The following SHROOM4 variants were observed in gnomAD, a reference collection of about 807,000 sequenced individuals.
SHROOM4 encodes protein Shroom4.
In SHROOM4, 17 loss-of-function variants were observed where a neutral mutation model predicts 80.3. That is an observed-to-expected ratio of 0.21 (90% CI 0.14 to 0.32). SHROOM4 has a LOEUF of 0.32. Among genes scored for constraint, SHROOM4 ranks in the 10% least tolerant of loss-of-function variants. The probability of loss-of-function intolerance (pLI) is 1.00; values close to 1 mark genes in which losing one functional copy is unlikely to be tolerated. For synonymous variants in SHROOM4, 400 were observed against 437.5 expected, an observed-to-expected ratio of 0.91 and a Z score of 1.07; for missense variants, 993 against 1,140.3, an observed-to-expected ratio of 0.87 and a Z score of 1.86.
At chrX:50,783,449 T>C (rs1479506940) in intron 1 of SHROOM4, among the ~76,000 whole-genome samples, 1 of 112,201 alleles carries the variant, frequency 8.9e-6, no homozygotes, top group African/African-American at 3.2e-5. Flanking sequence ...GAGATATACA[T>C]TGTTCCTAGA....
intron 2 of SHROOM4, among the ~76,000 whole-genome samples, chrX:50,669,488 T>C (rs1305734060): frequency 6.4e-5 from 7 of 109,895 alleles, no homozygotes; most frequent in African/African-American, 1.7e-4. Context: ...TTTTGTAGAG[T>C]TGGGGTTTCA....
chrX:50,716,725 C>T (rs1933963939), intron 1 of SHROOM4, among the ~76,000 whole-genome samples: 1 of 111,822 alleles, frequency 8.9e-6, no homozygotes. Flanking sequence ...TTCCAGTGCC[C>T]ATGTTTCTCT....
At chrX:50,611,664 A>C (rs1929999114) in intron 5 of SHROOM4, among the ~76,000 whole-genome samples, 1 of 111,139 alleles carries the variant, frequency 9.0e-6, no homozygotes, top group South Asian at 3.8e-4. Context: ...TCACTCCTGT[A>C]ATCACAGCAC....
chrX:50,721,674 C>G (rs1934113162), intron 1 of SHROOM4, among the ~76,000 whole-genome samples: 1 of 111,450 alleles, frequency 9.0e-6, no homozygotes, highest in Non-Finnish European at 1.9e-5. Context: ...CCCAGCAGGT[C>G]TCAGCCTCAT....
chrX:50,614,273 GA>G (rs1159094842), intron 5 of SHROOM4, among the ~76,000 whole-genome samples: 1 of 111,980 alleles, frequency 8.9e-6, no homozygotes, highest in African/African-American at 3.2e-5. Context: ...AGTAATAAGG[GA>G]AAGTTTATAA....
intron 5 of SHROOM4, among the ~76,000 whole-genome samples, chrX:50,609,599 C>T (rs1236444635): frequency 1.8e-5 from 2 of 109,734 alleles, no homozygotes; most frequent in Non-Finnish European, 3.8e-5. Flanking sequence ...AACTGCAAAG[C>T]AGTGCTTTTT....
intron 1 of SHROOM4, among the ~76,000 whole-genome samples, chrX:50,723,713 C>G (rs1934182253): frequency 9.0e-6 from 1 of 110,676 alleles, no homozygotes; most frequent in Non-Finnish European, 1.9e-5. Context: ...AGTCCGTCCC[C>G]TTCTTAATCA....
intron 1 of SHROOM4, among the ~76,000 whole-genome samples, chrX:50,763,416 A>G (rs1250124651): frequency 1.8e-5 from 2 of 110,946 alleles, no homozygotes; most frequent in Non-Finnish European, 3.8e-5. Context: ...TTTTTTTTGT[A>G]CAATGGTCAC....
intron 5 of SHROOM4, among the ~76,000 whole-genome samples, chrX:50,624,128 G>C (rs782815840): frequency 4.5e-5 from 5 of 111,750 alleles, no homozygotes; most frequent in African/African-American, 1.6e-4. Context: ...TCATTGAATT[G>C]TACACTTAGA....
chrX:50,667,439 T>C (rs1157369735), intron 2 of SHROOM4, among the ~76,000 whole-genome samples: 4 of 110,871 alleles, frequency 3.6e-5, no homozygotes, highest in African/African-American at 1.3e-4. Context: ...AATCTTAGGA[T>C]TGGGGGCAAA....
chrX:50,766,423 T>G (rs1935279148), intron 1 of SHROOM4, among the ~76,000 whole-genome samples: 1 of 111,662 alleles, frequency 9.0e-6, no homozygotes, highest in Non-Finnish European at 1.9e-5. Context: ...AACTTTCTTG[T>G]GGAACTTAAC....
intron 2 of SHROOM4, among the ~76,000 whole-genome samples, chrX:50,667,277 A>G (rs782766049): frequency 1.8e-5 from 2 of 112,098 alleles, no homozygotes; most frequent in East Asian, 5.6e-4. Context: ...AACATCTTCA[A>G]AATTCACACG....
In SHROOM4 at chrX:50,769,479, T is replaced by C. The variant is rs947573173; in HGVS notation, c.117+44423A>G. Among the ~76,000 whole-genome samples, 7 of 112,059 alleles carry C rather than the reference T, an allele frequency of 6.2e-5. No homozygotes were observed. In the Admixed American group the frequency reaches 6.6e-4, roughly 11 times the overall value. On this transcript the variant is annotated intron_variant, in intron 1 of 8. Transcript: ENST00000376020. ...CTTGAGCTTTTATGAGGCATATCTGTGCTGGTGGCAGCTAGCAGACTGGCA... is the reference window on the plus strand; with the variant it reads ...CTTGAGCTTTTATGAGGCATATCTGCGCTGGTGGCAGCTAGCAGACTGGCA...
chrX:50,646,529 TGTG>T (rs1931845986), intron 2 of SHROOM4, among the ~76,000 whole-genome samples: 1 of 24,756 alleles, frequency 4.0e-5, no homozygotes, highest in Non-Finnish European at 8.1e-5. Flanking sequence ...GGGGGAAGAG[TGTG>T]TGTGTGTGTG....
chrX:50,793,766 G>C (rs892163587), intron 1 of SHROOM4, among the ~76,000 whole-genome samples: 1 of 109,526 alleles, frequency 9.1e-6, no homozygotes, highest in Admixed American at 1.0e-4. Context: ...AAAAAGAGGG[G>C]TTACTAACTT....
intron 1 of SHROOM4, among the ~76,000 whole-genome samples, chrX:50,773,341 A>ATC (rs1377975213): frequency 8.9e-6 from 1 of 112,170 alleles, no homozygotes; most frequent in Non-Finnish European, 1.9e-5. Flanking sequence ...CAAACAAAGC[A>ATC]TCTAGAATTC....
At chrX:50,787,620 C>A (rs1342125954) in intron 1 of SHROOM4, among the ~76,000 whole-genome samples, 1 of 111,029 alleles carries the variant, frequency 9.0e-6, no homozygotes, top group Non-Finnish European at 1.9e-5. Context: ...ACATTATAAT[C>A]AAATTGTCCA....
intron 1 of SHROOM4, among the ~76,000 whole-genome samples, chrX:50,807,534 A>G (rs1456960341): frequency 6.2e-5 from 7 of 112,162 alleles, no homozygotes; most frequent in South Asian, 3.7e-4. Flanking sequence ...TTAAGTTCAG[A>G]GAGGTAAAAA....
At chrX:50,659,712 T>C (rs782014689) in intron 2 of SHROOM4, among the ~76,000 whole-genome samples, 37 of 111,552 alleles carry the variant, frequency 3.3e-4, no homozygotes, top group Non-Finnish European at 6.4e-4. Context: ...GAACATAAGC[T>C]CTAGAACAAG....
Sources: gnomAD v4.1 joint callset for allele counts (sites outside exome capture counted in the v4.1 genomes callset) on GRCh38, gnomAD v4.1.1 for gene constraint, MANE v1.5 for transcripts, NCBI Gene and HGNC (gene_info 2026-07-23, HGNC 2026-07-21) for gene names.